Variants in SGCZ observed in about 807,000 individuals in gnomAD.
The protein encoded by SGCZ is sarcoglycan zeta, also known as zeta-sarcoglycan.
Under a neutral mutation model 41.3 loss-of-function variants are expected in SGCZ, and 40 were observed. That is an observed-to-expected ratio of 0.97 (90% CI 0.75 to 1.26). SGCZ has a LOEUF of 1.26. SGCZ is among the 50% of genes most tolerant of loss of function. SGCZ has a pLI of 0.00. For synonymous variants in SGCZ, 206 were observed against 137.5 expected (o/e 1.50, Z -3.49); for missense variants, 552 against 369.8 (o/e 1.49, Z -4.04).
chr8:14,152,004 T>C (rs546529517), intron 5 of SGCZ, among the ~76,000 whole-genome samples: 2 of 152,080 alleles, frequency 1.3e-5, no homozygotes, highest in South Asian at 2.1e-4. Flanking sequence ...ATGTAGAAAA[T>C]ATTGCTATGT....
intron 1 of SGCZ, among the ~76,000 whole-genome samples, chr8:14,977,596 T>C (rs973048578): frequency 4.6e-5 from 7 of 152,070 alleles, no homozygotes; most frequent in African/African-American, 1.4e-4. Context: ...AACATCATCA[T>C]TTACATTTAG....
chr8:14,985,386 G>C (rs536147377), intron 1 of SGCZ, among the ~76,000 whole-genome samples: 1 of 152,080 alleles, frequency 6.6e-6, no homozygotes, highest in African/African-American at 2.4e-5. Context: ...GAGAAAGAAA[G>C]GCATTGCTCT....
chr8:14,346,227 T>C (rs932719778), intron 2 of SGCZ, among the ~76,000 whole-genome samples: 4 of 152,090 alleles, frequency 2.6e-5, no homozygotes, highest in African/African-American at 9.7e-5. Flanking sequence ...GAATTGTTTG[T>C]ACATTCTGCT....
chr8:15,192,945 A>T (rs1221093099), intron 1 of SGCZ, among the ~76,000 whole-genome samples: 3 of 152,102 alleles, frequency 2.0e-5, no homozygotes, highest in Non-Finnish European at 2.9e-5. Context: ...ATTCATACCA[A>T]ATATCATTTT....
intron 1 of SGCZ, among the ~76,000 whole-genome samples, chr8:15,050,359 G>T (rs544810990): frequency 6.6e-6 from 1 of 152,172 alleles, no homozygotes; most frequent in Admixed American, 6.5e-5. Flanking sequence ...AAATTGGGAA[G>T]AGCTAACCTA....
intron 2 of SGCZ, among the ~76,000 whole-genome samples, chr8:14,370,740 G>C (rs779079423): frequency 6.6e-6 from 1 of 151,700 alleles, no homozygotes; most frequent in Non-Finnish European, 1.5e-5. Context: ...TGAGTAAGCA[G>C]GATCTAGCTC....
At chr8:14,602,330 A>G (rs559646860) in intron 1 of SGCZ, among the ~76,000 whole-genome samples, 3 of 151,948 alleles carry the variant, frequency 2.0e-5, no homozygotes, top group African/African-American at 7.3e-5. Flanking sequence ...GGTTTAATGA[A>G]TAATGCACAT....
chr8:15,094,043 A>G (rs1025245505), intron 1 of SGCZ, among the ~76,000 whole-genome samples: 1 of 152,226 alleles, frequency 6.6e-6, no homozygotes, highest in African/African-American at 2.4e-5. Flanking sequence ...AAATTAATTG[A>G]ATGATACATC....
At chr8:14,847,117 AAG>A (rs1259653488) in intron 1 of SGCZ, among the ~76,000 whole-genome samples, 3 of 121,992 alleles carry the variant, frequency 2.5e-5, no homozygotes, top group African/African-American at 1.1e-4. Flanking sequence ...AAGAAAGAAG[AAG>A]AAGAAGAAAG....
chr8:14,777,702 T>A (rs1374974989), intron 1 of SGCZ, among the ~76,000 whole-genome samples: 4 of 151,984 alleles, frequency 2.6e-5, no homozygotes, highest in African/African-American at 9.7e-5. Context: ...CCAAATGGTT[T>A]AGAAAAAAAG....
Position 14,982,865 on chromosome 8 carries a change from G to T in SGCZ, c.39+254720C>A, listed in dbSNP as rs1391888356. On this transcript the variant is annotated intron_variant, in intron 1 of 7. Transcript: ENST00000382080. ...CTATAAGCAGCAACTGCTACTGATCGTTCAAACTTTTATTAGCATTTACTA... is the reference window on the plus strand; with the variant it reads ...CTATAAGCAGCAACTGCTACTGATCTTTCAAACTTTTATTAGCATTTACTA... 2.0e-5 allele frequency among the ~76,000 whole-genome samples: 3 copies of T among 152,132 alleles called. No homozygotes were observed. The South Asian group carries it at 6.2e-4, about 32-fold the overall frequency.
chr8:14,453,414 G>C (rs1192769048), intron 2 of SGCZ, among the ~76,000 whole-genome samples: 3 of 152,060 alleles, frequency 2.0e-5, no homozygotes, highest in African/African-American at 7.2e-5. Flanking sequence ...TGAACAACAA[G>C]ACATTTTTGT....
At chr8:14,895,215 G>A (rs186956471) in intron 1 of SGCZ, among the ~76,000 whole-genome samples, 1 of 152,092 alleles carries the variant, frequency 6.6e-6, no homozygotes, top group Non-Finnish European at 1.5e-5. Context: ...GTGTCATTTG[G>A]TGTGGTGGTT....
intron 5 of SGCZ, among the ~76,000 whole-genome samples, chr8:14,131,210 G>A (rs1271004654): frequency 6.6e-6 from 1 of 152,144 alleles, no homozygotes; most frequent in African/African-American, 2.4e-5. Flanking sequence ...CGCTTCAGAG[G>A]TATCTTGATG....
At chr8:15,049,114 G>A (rs181950430) in intron 1 of SGCZ, among the ~76,000 whole-genome samples, 369 of 152,218 alleles carry the variant, frequency 2.4e-3, no homozygotes, top group Non-Finnish European at 4.2e-3. Flanking sequence ...AGCCACAATC[G>A]TGAATATAAA....
At chr8:14,282,742 T>A (rs1044242385) in intron 3 of SGCZ, among the ~76,000 whole-genome samples, 1 of 152,152 alleles carries the variant, frequency 6.6e-6, no homozygotes, top group South Asian at 2.1e-4. Flanking sequence ...GGTCTTCCAA[T>A]TCTTTCATCC....
chr8:14,514,745 ATATG>A (rs199874323), intron 2 of SGCZ, among the ~76,000 whole-genome samples: 1,477 of 147,428 alleles, frequency 0.01, 16 homozygotes, highest in Middle Eastern at 0.014. Flanking sequence ...ATATGTAAAT[ATATG>A]TAAGTATGTG....
At chr8:15,205,552 A>C (rs1394220880) in intron 1 of SGCZ, among the ~76,000 whole-genome samples, 2 of 152,206 alleles carry the variant, frequency 1.3e-5, no homozygotes, top group Non-Finnish European at 2.9e-5. Flanking sequence ...AACCACAGAG[A>C]GATACCATCT....
intron 1 of SGCZ, among the ~76,000 whole-genome samples, chr8:14,679,465 G>A (rs757134688): frequency 6.6e-6 from 1 of 151,070 alleles, no homozygotes; most frequent in Non-Finnish European, 1.5e-5. Flanking sequence ...GTGTGTTCGT[G>A]TATTAGTTTT....
Sources: gnomAD v4.1 joint callset for allele counts (sites outside exome capture counted in the v4.1 genomes callset) on GRCh38, gnomAD v4.1.1 for gene constraint, MANE v1.5 for transcripts, NCBI Gene and HGNC (gene_info 2026-07-23, HGNC 2026-07-21) for gene names.